The following MGAT4A variants were observed in gnomAD, a reference collection of about 807,000 sequenced individuals.
The protein encoded by MGAT4A is N-acetylglucosaminyltransferase IVa.
Under a neutral mutation model 74.1 loss-of-function variants are expected in MGAT4A, and 33 were observed. The observed-to-expected ratio is 0.45, with a 90% CI of 0.34 to 0.60. The LOEUF is 0.60. MGAT4A is among the 20% of genes least tolerant of loss of function. MGAT4A has a pLI of 0.02. For synonymous variants in MGAT4A, 198 were observed against 210.4 expected, an observed-to-expected ratio of 0.94 and a Z score of 0.51; for missense variants, 479 against 628.3, an observed-to-expected ratio of 0.76 and a Z score of 2.54.
In MGAT4A at chr2:98,625,116, A is replaced by G. The variant is rs1444719452; in HGVS notation, c.*450T>C. 3 of 881,202 alleles carry G rather than the reference A, an allele frequency of 3.4e-6. No individual in the cohort carries two copies. The highest frequency in any genetic ancestry group is 4.1e-6 in the Non-Finnish European group (3 of 735,126). The allele number at this position is 881,202 out of a possible 1,614,324, so 54.6% of individuals were successfully genotyped here. A position where few individuals can be genotyped will look rare whatever the true frequency, so the allele number is the denominator to read the frequency against. On this transcript the variant is annotated 3_prime_UTR_variant, in exon 16 of 16. Transcript: ENST00000393487. The stretch of plus-strand genomic sequence containing the variant: ...ATGTACTTCTTAAGTGTTTCTAATA[A>G]ATTAATTCCATAACATTTTTATGTA...
chr2:98,729,636 C>T (rs1326101527), intron 1 of MGAT4A, among the ~76,000 whole-genome samples: 2 of 152,226 alleles, frequency 1.3e-5, no homozygotes, highest in Non-Finnish European at 2.9e-5. Context: ...GTTTTGTTAG[C>T]AATCCTTTAA....
chr2:98,631,537 C>T (rs976374895), intron 14 of MGAT4A, among the ~76,000 whole-genome samples: 1 of 152,186 alleles, frequency 6.6e-6, no homozygotes, highest in Non-Finnish European at 1.5e-5. Context: ...AGTGGCTGGA[C>T]GTGGAGGGGA....
intron 13 of MGAT4A, 52 bp from the exon 14 acceptor site, chr2:98,635,340 TA>T (rs1357021124): frequency 7.5e-7 from 1 of 1,340,496 alleles, no homozygotes; most frequent in African/African-American, 1.5e-5. Flanking sequence ...CTATTTAACC[TA>T]AGTTATTAAT....
intron 8 of MGAT4A, among the ~76,000 whole-genome samples, chr2:98,653,355 G>GAA (rs566464377): frequency 7.5e-6 from 1 of 133,016 alleles, no homozygotes; most frequent in African/African-American, 2.8e-5. Context: ...TAAATAAATA[G>GAA]AAAAAAAAAA....
intron 14 of MGAT4A, among the ~76,000 whole-genome samples, chr2:98,626,396 T>C (rs1178057012): frequency 6.6e-6 from 1 of 152,130 alleles, no homozygotes; most frequent in East Asian, 1.9e-4. Context: ...GGCTCTCCTA[T>C]AAAAATAAGG....
Position 98,625,451 on chromosome 2 carries a change from A to G in MGAT4A, c.*115T>C. 1 of 1,521,018 alleles carries G rather than the reference A, an allele frequency of 6.6e-7. No homozygotes were observed. Among genetic ancestry groups the G allele is most frequent in the Non-Finnish European group, 8.8e-7 (1 of 1,141,538 alleles). 94.2% of individuals were successfully genotyped at this position (1,521,018 alleles called of 1,614,324 possible). ...TCCAAGTGGAAATGACAATCGTCTT[A>G]TCTACAGTAGACTTCACAAGAGGTA... On this transcript the variant is annotated 3_prime_UTR_variant, in exon 16 of 16. Transcript: ENST00000393487.
intron 5 of MGAT4A, among the ~76,000 whole-genome samples, chr2:98,660,420 A>G (rs891374876): frequency 1.0e-3 from 34 of 33,514 alleles, no homozygotes; most frequent in African/African-American, 2.7e-3. Flanking sequence ...ACGCACGCGC[A>G]CACACACACA....
In MGAT4A at chr2:98,644,006, A is replaced by C. The variant is rs1406477959; in HGVS notation, c.937T>G (p.Phe313Val). ...ATGGGTTTCTCCTTGTAAAACATGA[A>C]TATGAATTCTACAATCAGAGTAAGA... ...PDLTLIVEFI[F>V]MFYKEKPIDW... Residue 313 changes from phenylalanine (F) to valine (V), a missense_variant, in exon 10 of 16, where the codon TTC (phenylalanine) becomes GTC (valine). By Grantham distance (50) the Phe-to-Val change is conservative (BLOSUM62 -1). Transcript: ENST00000393487. 1 of 1,606,184 alleles carries C rather than the reference A, an allele frequency of 6.2e-7. No homozygotes were observed. The highest frequency in any genetic ancestry group is 1.7e-5 in the Admixed American group (1 of 59,806).
chr2:98,725,604 C>T lies in MGAT4A; in HGVS notation c.94+635G>A, dbSNP rs548554133. On this transcript the variant is annotated intron_variant, in intron 2 of 15. Transcript: ENST00000393487. ...AAGAAGTATGGGTAGGAATTTACTT[C>T]AAGTAGTTTCTCTTAAAAAAAAAAA... 4.2e-4 allele frequency among the ~76,000 whole-genome samples: 60 copies of T among 141,646 alleles called. 1 individual carries two copies. The highest frequency in any genetic ancestry group is 1.3e-3 in the Admixed American group (18 of 14,268). 92.9% of individuals were successfully genotyped at this position (141,646 alleles called of 152,430 possible). A position where few individuals can be genotyped will look rare whatever the true frequency, so the allele number is the denominator to read the frequency against.
chr2:98,685,631 C>T (rs1439511023), intron 2 of MGAT4A, among the ~76,000 whole-genome samples: 1 of 152,240 alleles, frequency 6.6e-6, no homozygotes, highest in East Asian at 1.9e-4. Context: ...ATGAAACAGG[C>T]TGAAAGAACA....
chr2:98,661,604 T>C (rs1279292049), intron 5 of MGAT4A, among the ~76,000 whole-genome samples: 1 of 152,240 alleles, frequency 6.6e-6, no homozygotes, highest in Non-Finnish European at 1.5e-5. Flanking sequence ...TACATATTTC[T>C]ATTCAAATGT....
intron 12 of MGAT4A, among the ~76,000 whole-genome samples, chr2:98,638,328 A>T (rs1701354348): frequency 6.6e-6 from 1 of 152,186 alleles, no homozygotes; most frequent in Non-Finnish European, 1.5e-5. Flanking sequence ...CTAGAATCCT[A>T]TACACATATA....
At chr2:98,674,138 A>G (rs1414272000) in intron 4 of MGAT4A, among the ~76,000 whole-genome samples, 1 of 152,234 alleles carries the variant, frequency 6.6e-6, no homozygotes, top group African/African-American at 2.4e-5. Context: ...TTATAGATCA[A>G]TGAGAAGATG....
rs139582418 is a variant in MGAT4A, at chr2:98,622,276, G to T, written c.*3290C>A. The T allele has an allele frequency of 3.7e-3, 3,599 of 985,420 alleles. 15 individuals carry two copies. Among genetic ancestry groups the T allele is most frequent in the Middle Eastern group, 0.019 (37 of 1,916 alleles). 61.0% of individuals were successfully genotyped at this position (985,420 alleles called of 1,614,324 possible). ...ACAGTACTGTTCAACAGAGCTTTCTGCAGTGATGGAAAAGTTCTGCATCCG... is the reference window on the plus strand; with the variant it reads ...ACAGTACTGTTCAACAGAGCTTTCTTCAGTGATGGAAAAGTTCTGCATCCG... On this transcript the variant is annotated 3_prime_UTR_variant, in exon 16 of 16. Transcript: ENST00000393487.
chr2:98,668,298 G>C (rs895416643), intron 4 of MGAT4A, among the ~76,000 whole-genome samples: 1 of 152,170 alleles, frequency 6.6e-6, no homozygotes, highest in African/African-American at 2.4e-5. Context: ...GTGCAGTCTA[G>C]GGACTTGGTG....
chr2:98,701,072 G>A (rs1461736568), intron 2 of MGAT4A, among the ~76,000 whole-genome samples: 2 of 152,094 alleles, frequency 1.3e-5, no homozygotes, highest in African/African-American at 4.8e-5. Flanking sequence ...GAGTGGAAAA[G>A]GCTATTATAA....
chr2:98,696,560 C>T (rs559429226), intron 2 of MGAT4A, among the ~76,000 whole-genome samples: 9 of 152,316 alleles, frequency 5.9e-5, no homozygotes, highest in South Asian at 4.1e-4. Context: ...CAAATTAAAG[C>T]GCATGTCATC....
chr2:98,683,590 T>C (rs1381996536), intron 2 of MGAT4A, among the ~76,000 whole-genome samples: 2 of 151,974 alleles, frequency 1.3e-5, no homozygotes, highest in Non-Finnish European at 2.9e-5. Context: ...AAGCAGGAGA[T>C]TGAATGGCAG....
At chr2:98,684,958 C>T (rs950685149) in intron 2 of MGAT4A, among the ~76,000 whole-genome samples, 8 of 151,996 alleles carry the variant, frequency 5.3e-5, no homozygotes, top group Non-Finnish European at 7.4e-5. Context: ...TCCTCTGGGC[C>T]GGGCATGGTG....
Sources: gnomAD v4.1 joint callset for allele counts (sites outside exome capture counted in the v4.1 genomes callset) on GRCh38, gnomAD v4.1.1 for gene constraint, MANE v1.5 for transcripts, NCBI Gene and HGNC (gene_info 2026-07-23, HGNC 2026-07-21) for gene names.